The following CDH23 variants were observed in gnomAD, a reference collection of about 807,000 sequenced individuals.
The protein encoded by CDH23 is cadherin-23.
In CDH23, 189 loss-of-function variants were observed where a neutral mutation model predicts 317.1. The observed-to-expected ratio is 0.60, with a 90% CI of 0.53 to 0.67. The LOEUF (loss-of-function observed/expected upper bound fraction) is 0.67, where lower values mean the gene tolerates loss of function less well. CDH23 is among the 30% of genes least tolerant of loss of function. The pLI is 0.00. For missense variants in CDH23, 4,401 were observed against 4,592.4 expected, an observed-to-expected ratio of 0.96 and a Z score of 1.20; for synonymous variants, 1,839 against 1,876.8, an observed-to-expected ratio of 0.98 and a Z score of 0.52.
At chr10:71,701,926 C>T (rs1370700580) in intron 22 of CDH23, 96 bp from the exon 23 acceptor site, 2 of 1,351,790 alleles carry the variant, frequency 1.5e-6, no homozygotes, top group African/African-American at 1.4e-5. Flanking sequence ...ATGTCCCCTC[C>T]CCAGGACCAA....
At chr10:71,672,533 T>C (rs565708059) in intron 14 of CDH23, among the ~76,000 whole-genome samples, 1 of 152,242 alleles carries the variant, frequency 6.6e-6, no homozygotes, top group East Asian at 1.9e-4. Context: ...CACATGGTCA[T>C]TAGGCGGTGG....
At chr10:71,809,064 T>C (rs1016289926) in intron 60 of CDH23, among the ~76,000 whole-genome samples, 2 of 151,892 alleles carry the variant, frequency 1.3e-5, no homozygotes, top group African/African-American at 4.8e-5. Flanking sequence ...GTCACGCAGC[T>C]AGAAAGTGAC....
Position 71,815,302 on chromosome 10 carries a change from G to A in CDH23, c.*24G>A, listed in dbSNP as rs375005162. On this transcript the variant is annotated 3_prime_UTR_variant, in exon 70 of 70. Coordinates refer to ENST00000224721, the MANE Select transcript of CDH23 (RefSeq NM_022124.6). Reference sequence around the variant, plus strand: ...GACTAGACAGGGAAGCCTTGTGGGTGTGAGCAGCACCCATCCACCGTCCCC... The same window carrying A: ...GACTAGACAGGGAAGCCTTGTGGGTATGAGCAGCACCCATCCACCGTCCCC... 43 of 1,537,238 alleles carry A rather than the reference G, an allele frequency of 2.8e-5. No homozygotes were observed. The highest frequency in any genetic ancestry group is 3.7e-5 in the Non-Finnish European group (42 of 1,136,682).
chr10:71,475,822 A>T (rs1277515612), intron 3 of CDH23, among the ~76,000 whole-genome samples: 1 of 152,230 alleles, frequency 6.6e-6, no homozygotes, highest in Admixed American at 6.5e-5. Context: ...CCCCAGTTCC[A>T]TGCCTGGGGT....
chr10:71,587,339 A>G (rs1859147224), intron 9 of CDH23, among the ~76,000 whole-genome samples: 1 of 152,206 alleles, frequency 6.6e-6, no homozygotes, highest in Admixed American at 6.5e-5. Context: ...TTATTCATTC[A>G]TTCATTTGTT....
chr10:71,593,948 A>G (rs1451023316), intron 9 of CDH23, among the ~76,000 whole-genome samples: 3 of 152,194 alleles, frequency 2.0e-5, no homozygotes, highest in African/African-American at 7.2e-5. Flanking sequence ...GTAAGGCCTC[A>G]TCTCCATGGG....
chr10:71,412,074 T>C (rs138391064), intron 1 of CDH23, among the ~76,000 whole-genome samples: 63 of 152,360 alleles, frequency 4.1e-4, no homozygotes, highest in African/African-American at 1.5e-3. Flanking sequence ...CATCCTTTTA[T>C]GTCTGGCTTA....
At position 71,706,922 on chromosome 10, in the gene CDH23, C is replaced by T. The variant is rs1683157896; in HGVS notation, c.2979C>T (p.Pro993=). ...TGCTGGATGTGAACGACGAGACGCC[C>T]ACCTTCTTCCCGGCCGTGTACAATG... ...IHVLDVNDET[P]TFFPAVYNVS... The change falls in exon 26 of 70, where the codon CCC becomes CCT. Residue 993 remains proline, a synonymous_variant. Coordinates refer to ENST00000224721, the MANE Select transcript of CDH23 (RefSeq NM_022124.6). 1.9e-6 allele frequency: 3 copies of T among 1,604,714 alleles called. No individual in the cohort carries two copies. Among genetic ancestry groups the T allele is most frequent in the African/African-American group, 2.7e-5 (2 of 74,706 alleles).
rs762800796 is a variant in CDH23, at chr10:71,793,322, A to G, written c.6394A>G (p.Ile2132Val). 4 of 1,613,994 alleles carry G rather than the reference A, an allele frequency of 2.5e-6. No homozygotes were observed. The highest frequency in any genetic ancestry group is 3.4e-6 in the Non-Finnish European group (4 of 1,179,890). Residue 2132 changes from isoleucine to valine, a missense_variant, in exon 48 of 70, where the codon ATC (isoleucine) becomes GTC (valine). This residue lies in a region of CDH23 where 3,068 missense variants were observed against 3,203.3 expected (regional missense o/e 0.96). Transcript: ENST00000224721. The part of the protein sequence containing the change: ...TGVIRVGNAT[I>V]DREEQESYRL... Reference sequence around the variant, plus strand: ...GGTCATCCGTGTTGGTAATGCCACCATCGACAGAGAGGAGCAGGAGTCCTA... The same window carrying G: ...GGTCATCCGTGTTGGTAATGCCACCGTCGACAGAGAGGAGCAGGAGTCCTA...
chr10:71,425,373 A>AAGGAAGGAAGGAAGGAAGGAAGGT (rs1174780800), intron 1 of CDH23, among the ~76,000 whole-genome samples: 8 of 123,808 alleles, frequency 6.5e-5, no homozygotes, highest in Non-Finnish European at 1.1e-4. Flanking sequence ...GAGAGAGGAG[A>AAGGAAGGAAGGAAGGAAGGAAGGT]AGGAAGGAAG....
intron 3 of CDH23, among the ~76,000 whole-genome samples, chr10:71,476,146 A>G (rs988815982): frequency 6.6e-6 from 1 of 152,178 alleles, no homozygotes; most frequent in Non-Finnish European, 1.5e-5. Flanking sequence ...ATAGGGCATC[A>G]ACAATGCAAG....
In CDH23 at chr10:71,751,648, G is replaced by A. The variant is rs748907481; in HGVS notation, c.4845+9727G>A. On this transcript the variant is annotated intron_variant, in intron 38 of 69. Coordinates refer to ENST00000224721, the MANE Select transcript of CDH23 (RefSeq NM_022124.6). This position sits in a 1 kb window ranked among gnomAD's most constrained non-coding sequence, Gnocchi z 4.9. ...ATGACCTTACAGGTCATCGTGCTGT[G>A]AAGGTCAGGAAACACTTACCCAGGG... The A allele has an allele frequency of 6.6e-7, 1 of 1,516,560 alleles. No individual in the cohort carries two copies. Among genetic ancestry groups the A allele is most frequent in the Admixed American group, 2.2e-5 (1 of 45,036 alleles). The allele number at this position is 1,516,560 out of a possible 1,614,324, so 93.9% of individuals were successfully genotyped here.
intron 69 of CDH23, among the ~76,000 whole-genome samples, chr10:71,814,660 A>G (rs931519104): frequency 1.4e-5 from 2 of 145,692 alleles, no homozygotes; most frequent in African/African-American, 5.2e-5. Context: ...ACACACACAC[A>G]CAATTTTCAC....
In CDH23 at chr10:71,811,977, C is replaced by G; in HGVS notation, c.9342C>G (p.Ile3114Met). The change falls in exon 66 of 70, where the codon ATC (isoleucine) becomes ATG (methionine). Residue 3114 changes from isoleucine (I) to methionine (M), a missense_variant. Ile to Met is a conservative substitution (Grantham distance 10). Around this residue, in one of 3 missense-constraint regions of CDH23, gnomAD observed 1,144 missense variants for 1,138.2 expected, o/e 1.01. Coordinates refer to ENST00000224721, the MANE Select transcript of CDH23 (RefSeq NM_022124.6). ...CAGGGAATCGTGGCTTCATCGACAT[C>G]ATGGACATGCCTAACACCAACAAGT... ...GSAGNRGFID[I>M]MDMPNTNKYS... The G allele has an allele frequency of 6.2e-7, 1 of 1,604,720 alleles. No homozygotes were observed. The highest frequency in any genetic ancestry group is 8.5e-7 in the Non-Finnish European group (1 of 1,174,426).
intron 3 of CDH23, among the ~76,000 whole-genome samples, chr10:71,475,390 C>T (rs572424190): frequency 9.2e-5 from 14 of 152,242 alleles, no homozygotes; most frequent in African/African-American, 2.9e-4. Flanking sequence ...TTCCTGCTTC[C>T]CTTTCTGTTT....
intron 28 of CDH23, chr10:71,717,915 T>A (rs1866355624): frequency 6.6e-6 from 1 of 152,180 alleles, no homozygotes; most frequent in Non-Finnish European, 1.5e-5. Context: ...TAATGTGAAA[T>A]GAATTTTCAA....
At chr10:71,760,242 T>C (rs1257748082) in intron 38 of CDH23, among the ~76,000 whole-genome samples, 2 of 37,866 alleles carry the variant, frequency 5.3e-5, no homozygotes, top group African/African-American at 1.5e-4. Flanking sequence ...TATATACATA[T>C]ATATGTATGT....
At chr10:71,504,686 C>A (rs879603149) in intron 3 of CDH23, among the ~76,000 whole-genome samples, 1 of 152,190 alleles carries the variant, frequency 6.6e-6, no homozygotes, top group Non-Finnish European at 1.5e-5. Context: ...ACTGATTGAG[C>A]CAGGAGTCCT....
intron 6 of CDH23, among the ~76,000 whole-genome samples, chr10:71,539,202 C>T (rs1462140213): frequency 6.6e-6 from 1 of 152,166 alleles, no homozygotes; most frequent in Non-Finnish European, 1.5e-5. Context: ...AGCCCCTTTG[C>T]CCTTCCCCTG....
Sources: gnomAD v4.1 joint callset for allele counts (sites outside exome capture counted in the v4.1 genomes callset) on GRCh38, gnomAD v4.1.1 for gene constraint, gnomAD v4.1.1 regional missense constraint, Gnocchi (gnomAD v3.1) non-coding constraint, MANE v1.5 for transcripts, NCBI Gene and HGNC (gene_info 2026-07-23, HGNC 2026-07-21) for gene names.